The following AGBL4 variants were observed in gnomAD, a reference collection of about 807,000 sequenced individuals.
AGBL4 encodes the protein cytosolic carboxypeptidase 6.
AGBL4 carries 58 observed loss-of-function variants against 66.4 expected under a neutral mutation model. The ratio of observed to expected loss-of-function variants is 0.87; its 90% CI spans 0.71 to 1.09. The LOEUF (loss-of-function observed/expected upper bound fraction) is 1.09, where lower values mean the gene tolerates loss of function less well. Among genes scored for constraint, AGBL4 ranks in the 50% least tolerant of loss-of-function variants. AGBL4 has a pLI of 0.00. For synonymous variants in AGBL4, 234 were observed against 222.9 expected (o/e 1.05, Z -0.44); for missense variants, 579 against 631.0 (o/e 0.92, Z 0.88).
At chr1:49,715,113 C>G (rs1186424231) in intron 2 of AGBL4, among the ~76,000 whole-genome samples, 1 of 152,082 alleles carries the variant, frequency 6.6e-6, no homozygotes, top group Non-Finnish European at 1.5e-5. Context: ...CTATCCCTCC[C>G]CTAGCCCCCC....
intron 3 of AGBL4, among the ~76,000 whole-genome samples, chr1:49,625,878 G>C (rs1645454677): frequency 6.6e-6 from 1 of 152,086 alleles, no homozygotes; most frequent in South Asian, 2.1e-4. Flanking sequence ...GCCATGTAGA[G>C]GTATTTATAA....
chr1:48,630,079 C>T (rs1464827714), intron 9 of AGBL4, among the ~76,000 whole-genome samples: 1 of 152,174 alleles, frequency 6.6e-6, no homozygotes, highest in Non-Finnish European at 1.5e-5. Context: ...AACTGGCAAA[C>T]AGGGGCCAGG....
At chr1:49,189,743 G>C (rs548049804) in intron 4 of AGBL4, among the ~76,000 whole-genome samples, 1 of 152,108 alleles carries the variant, frequency 6.6e-6, no homozygotes. Flanking sequence ...ATAATGCTTT[G>C]CTTGCTGAGA....
chr1:48,990,733 T>C (rs11584620), intron 5 of AGBL4, among the ~76,000 whole-genome samples: 1 of 152,084 alleles, frequency 6.6e-6, no homozygotes, highest in Non-Finnish European at 1.5e-5. Flanking sequence ...TGTGTATCCG[T>C]TGCACATTTT....
intron 3 of AGBL4, among the ~76,000 whole-genome samples, chr1:49,619,854 A>C (rs1431215566): frequency 6.6e-6 from 1 of 152,220 alleles, no homozygotes; most frequent in African/African-American, 2.4e-5. Flanking sequence ...AAACCTGACA[A>C]AAACAAGCAA....
intron 3 of AGBL4, among the ~76,000 whole-genome samples, chr1:49,420,247 C>A (rs1557923999): frequency 6.6e-6 from 1 of 152,106 alleles, no homozygotes; most frequent in South Asian, 2.1e-4. Flanking sequence ...GTCAGATATA[C>A]AAGGGTTGGC....
intron 4 of AGBL4, among the ~76,000 whole-genome samples, chr1:49,193,768 C>T (rs1435409735): frequency 6.6e-6 from 1 of 152,036 alleles, no homozygotes; most frequent in Admixed American, 6.6e-5. Flanking sequence ...CTCCTGACCT[C>T]GTGATCTGCC....
chr1:48,613,608 C>T (rs1346919693), intron 9 of AGBL4, among the ~76,000 whole-genome samples: 4 of 152,172 alleles, frequency 2.6e-5, no homozygotes, highest in Non-Finnish European at 5.9e-5. Context: ...ATGATATTTG[C>T]CATCTCTGTG....
At chr1:48,612,015 G>T (rs2148381914) in intron 9 of AGBL4, among the ~76,000 whole-genome samples, 1 of 152,334 alleles carries the variant, frequency 6.6e-6, no homozygotes, top group South Asian at 2.1e-4. Context: ...GGAAGTGGAG[G>T]AGAGGGAGGA....
intron 5 of AGBL4, among the ~76,000 whole-genome samples, chr1:48,934,968 C>A (rs544195070): frequency 6.6e-6 from 1 of 152,256 alleles, no homozygotes; most frequent in African/African-American, 2.4e-5. Context: ...AGAAGTCAAA[C>A]TTCTACTTCA....
At chr1:49,454,564 T>C (rs1268608510) in intron 3 of AGBL4, among the ~76,000 whole-genome samples, 3 of 151,738 alleles carry the variant, frequency 2.0e-5, no homozygotes, top group African/African-American at 4.8e-5. Flanking sequence ...AAGAGAAAAT[T>C]TGGGCTGGGA....
chr1:49,173,389 G>A (rs1201175392), intron 4 of AGBL4, among the ~76,000 whole-genome samples: 2 of 152,140 alleles, frequency 1.3e-5, no homozygotes, highest in Non-Finnish European at 2.9e-5. Context: ...CTAGAAAAGA[G>A]TAGAGCTAGA....
intron 3 of AGBL4, among the ~76,000 whole-genome samples, chr1:49,503,619 C>T (rs1290918474): frequency 3.3e-5 from 5 of 152,170 alleles, no homozygotes; most frequent in African/African-American, 1.2e-4. Flanking sequence ...TGGGAGCCCA[C>T]CTCTTGAATC....
At chr1:49,380,069 T>C (rs1404821771) in intron 3 of AGBL4, among the ~76,000 whole-genome samples, 1 of 152,166 alleles carries the variant, frequency 6.6e-6, no homozygotes, top group African/African-American at 2.4e-5. Context: ...TTGTCCCTGT[T>C]TGCAGACGAC....
rs923984022 is a variant in AGBL4 at position 48,867,205 on chromosome 1, G to T, written c.620C>A (p.Thr207Lys). 1.2e-6 allele frequency: 2 copies of T among 1,613,456 alleles called. No individual in the cohort carries two copies. Among genetic ancestry groups the T allele is most frequent in the Admixed American group, 1.7e-5 (1 of 59,916 alleles). ...SVQQRKLDLLTITSPDNLREG... is the reference protein window; with the variant it reads ...SVQQRKLDLLKITSPDNLREG... ...CGCCTACTCACCAGGGCTGGTTATC[G>T]TCAGGAGGTCAAGCTTTCGTTGTTG... Residue 207 changes from threonine (T) to lysine (K), a missense_variant, in exon 6 of 14, where the codon ACG (threonine) becomes AAG (lysine). Physicochemically the swap from Thr to Lys is moderately conservative, Grantham distance 78. Coordinates refer to ENST00000371839, the MANE Select transcript of AGBL4 (RefSeq NM_032785.4).
intron 6 of AGBL4, among the ~76,000 whole-genome samples, chr1:48,849,700 C>T (rs535837372): frequency 2.5e-4 from 38 of 152,170 alleles, no homozygotes; most frequent in Non-Finnish European, 4.9e-4. Context: ...AGACTGGGGG[C>T]GGTGGCTCAC....
chr1:49,835,442 C>G (rs940378023), intron 2 of AGBL4, among the ~76,000 whole-genome samples: 14 of 152,054 alleles, frequency 9.2e-5, no homozygotes, highest in African/African-American at 3.1e-4. Context: ...TCCTCCATCC[C>G]TTTATTTTGA....
At chr1:48,931,415 C>T (rs72682924) in intron 5 of AGBL4, among the ~76,000 whole-genome samples, 2,937 of 152,322 alleles carry the variant, frequency 0.019, 52 homozygotes, top group Non-Finnish European at 0.032. Context: ...GGTCTCTGTT[C>T]AAATGTGACC....
At chr1:49,254,363 C>A (rs960807475) in intron 3 of AGBL4, among the ~76,000 whole-genome samples, 4 of 152,098 alleles carry the variant, frequency 2.6e-5, no homozygotes, top group East Asian at 3.9e-4. Flanking sequence ...CATTTCTATA[C>A]CACAAAACAG....
Sources: allele counts gnomAD v4.1 joint callset (sites outside exome capture counted in the v4.1 genomes callset), GRCh38; gene constraint gnomAD v4.1.1; transcripts MANE v1.5; gene names NCBI Gene and HGNC (gene_info 2026-07-23, HGNC 2026-07-21).